The following UNC5D variants were observed in gnomAD, a reference collection of about 807,000 sequenced individuals.
The protein encoded by UNC5D is unc-5 netrin receptor D.
UNC5D carries 39 observed loss-of-function variants against 105.4 expected under a neutral mutation model. The ratio of observed to expected loss-of-function variants is 0.37; its 90% CI spans 0.29 to 0.48. UNC5D has a LOEUF of 0.48. Among genes scored for constraint, UNC5D ranks in the 20% least tolerant of loss-of-function variants. The pLI is 0.98. For synonymous variants in UNC5D, 452 were observed against 450.4 expected, an observed-to-expected ratio of 1.00 and a Z score of -0.04; for missense variants, 991 against 1,202.4, an observed-to-expected ratio of 0.82 and a Z score of 2.60.
chr8:35,744,581 T>A (rs938263080), intron 11 of UNC5D, among the ~76,000 whole-genome samples: 3 of 152,172 alleles, frequency 2.0e-5, no homozygotes, highest in Non-Finnish European at 2.9e-5. Flanking sequence ...TATGACTCAA[T>A]GGGTTATAAT....
chr8:35,429,620 A>G (rs1806488817), intron 1 of UNC5D, among the ~76,000 whole-genome samples: 1 of 152,180 alleles, frequency 6.6e-6, no homozygotes, highest in South Asian at 2.1e-4. Flanking sequence ...GGTATAAAAT[A>G]ACACTTTTTT....
intron 1 of UNC5D, among the ~76,000 whole-genome samples, chr8:35,446,430 C>A (rs1585862075): frequency 6.6e-6 from 1 of 151,682 alleles, no homozygotes; most frequent in African/African-American, 2.4e-5. Flanking sequence ...ATGTTTAATT[C>A]TTTAACCTCC....
At chr8:35,723,353 A>C (rs1828684071) in intron 9 of UNC5D, among the ~76,000 whole-genome samples, 1 of 152,200 alleles carries the variant, frequency 6.6e-6, no homozygotes, top group Non-Finnish European at 1.5e-5. Context: ...GCCTCAAAAG[A>C]GACACATCCC....
intron 1 of UNC5D, among the ~76,000 whole-genome samples, chr8:35,488,799 G>A (rs1327322537): frequency 6.6e-6 from 1 of 152,076 alleles, no homozygotes; most frequent in Admixed American, 6.5e-5. Context: ...ATTGGCGATG[G>A]GACAAGGATT....
intron 9 of UNC5D, among the ~76,000 whole-genome samples, chr8:35,723,245 C>A (rs1828678675): frequency 6.6e-6 from 1 of 152,028 alleles, no homozygotes; most frequent in South Asian, 2.1e-4. Context: ...GACAGGCTTC[C>A]GAAGTGGAAA....
intron 1 of UNC5D, among the ~76,000 whole-genome samples, chr8:35,258,343 A>G (rs1804223994): frequency 6.6e-6 from 1 of 152,216 alleles, no homozygotes; most frequent in Non-Finnish European, 1.5e-5. Flanking sequence ...TTTCAACATG[A>G]TTTTTAGAGA....
intron 1 of UNC5D, among the ~76,000 whole-genome samples, chr8:35,524,946 A>G (rs1813758794): frequency 6.9e-6 from 1 of 144,590 alleles, no homozygotes; most frequent in Non-Finnish European, 1.5e-5. Context: ...TGAAAAGGAC[A>G]TGGTGGACCG....
intron 7 of UNC5D, among the ~76,000 whole-genome samples, chr8:35,694,707 G>T (rs1273143435): frequency 6.6e-6 from 1 of 151,992 alleles, no homozygotes; most frequent in South Asian, 2.1e-4. Flanking sequence ...GTGTGTGTGT[G>T]TGTGTGTGTG....
At chr8:35,626,601 G>A (rs931698386) in intron 4 of UNC5D, among the ~76,000 whole-genome samples, 2 of 152,196 alleles carry the variant, frequency 1.3e-5, no homozygotes, top group African/African-American at 4.8e-5. Flanking sequence ...AGATACGAGT[G>A]CTTGAAAATG....
At chr8:35,446,854 A>T (rs1244927446) in intron 1 of UNC5D, among the ~76,000 whole-genome samples, 4 of 152,142 alleles carry the variant, frequency 2.6e-5, no homozygotes. Flanking sequence ...TCTCAGTTGC[A>T]TGTGAGCTTC....
chr8:35,309,360 T>C (rs1236975936), intron 1 of UNC5D, among the ~76,000 whole-genome samples: 1 of 152,184 alleles, frequency 6.6e-6, no homozygotes, highest in African/African-American at 2.4e-5. Context: ...CCGCATTAGT[T>C]GCCATAGTCA....
intron 16 of UNC5D, among the ~76,000 whole-genome samples, chr8:35,778,015 G>T (rs1030012084): frequency 6.6e-6 from 1 of 152,126 alleles, no homozygotes; most frequent in African/African-American, 2.4e-5. Flanking sequence ...TCTTTGTTCT[G>T]CAGGTTAGAA....
intron 1 of UNC5D, among the ~76,000 whole-genome samples, chr8:35,381,453 C>G (rs115732466): frequency 0.011 from 1,706 of 152,244 alleles, 34 homozygotes; most frequent in African/African-American, 0.04. Flanking sequence ...CACACAAGTC[C>G]CTTACTCAGT....
At chr8:35,381,506 A>G (rs1803040193) in intron 1 of UNC5D, among the ~76,000 whole-genome samples, 1 of 152,234 alleles carries the variant, frequency 6.6e-6, no homozygotes, top group African/African-American at 2.4e-5. Flanking sequence ...TCAGCTCTGC[A>G]GCAGAATCTT....
intron 7 of UNC5D, among the ~76,000 whole-genome samples, chr8:35,705,387 CAA>C (rs1256137900): frequency 1.3e-5 from 2 of 152,140 alleles, no homozygotes; most frequent in Non-Finnish European, 2.9e-5. Context: ...AGATGTGAAA[CAA>C]AAAGAGTGGT....
intron 3 of UNC5D, among the ~76,000 whole-genome samples, chr8:35,587,980 A>ATATATATATATATAATAG (rs1554567969): frequency 1.4e-5 from 2 of 141,380 alleles, no homozygotes; most frequent in Non-Finnish European, 3.1e-5. Flanking sequence ...ATATATATAT[A>ATATATATATATATAATAG]TATATATATA....
chr8:35,413,339 T>G (rs1805322668), intron 1 of UNC5D, among the ~76,000 whole-genome samples: 1 of 149,632 alleles, frequency 6.7e-6, no homozygotes, highest in African/African-American at 2.5e-5. Context: ...TTTGGGCAAA[T>G]TGGAGATGGA....
Position 35,477,056 on chromosome 8 carries a change from T to G in UNC5D, c.104-72236T>G, listed in dbSNP as rs551251444. ...CATTACATTTACCAGGCAGCCCCCT[T>G]GTAGGTCCTTCTGGTCTATCTGATG... On this transcript the variant is annotated intron_variant, in intron 1 of 16. Coordinates refer to ENST00000404895, the MANE Select transcript of UNC5D (RefSeq NM_080872.4). 4.6e-5 allele frequency among the ~76,000 whole-genome samples: 7 copies of G among 152,308 alleles called. No homozygotes were observed. In the South Asian group the frequency reaches 1.5e-3, roughly 32 times the overall value.
intron 1 of UNC5D, among the ~76,000 whole-genome samples, chr8:35,391,779 T>C (rs193193562): frequency 1.9e-3 from 294 of 152,304 alleles, no homozygotes; most frequent in Non-Finnish European, 3.4e-3. Flanking sequence ...TGATTAGAAC[T>C]GGCAGTTCTT....
Sources: allele counts gnomAD v4.1 joint callset (sites outside exome capture counted in the v4.1 genomes callset), GRCh38; gene constraint gnomAD v4.1.1; transcripts MANE v1.5; gene names NCBI Gene and HGNC (gene_info 2026-07-23, HGNC 2026-07-21).